Variants in CSMD2 observed in about 807,000 individuals in gnomAD.
The protein encoded by CSMD2 is CUB and sushi domain-containing protein 2.
A neutral mutation model predicts 398.5 loss-of-function variants in CSMD2; 130 were observed. The ratio of observed to expected loss-of-function variants is 0.33; its 90% CI spans 0.28 to 0.38. CSMD2 has a LOEUF of 0.38. Ranked by LOEUF, CSMD2 falls within the 10% of genes least tolerant of loss-of-function variation. The pLI, the probability that CSMD2 is intolerant of heterozygous loss-of-function variation, is 1.00. For synonymous variants in CSMD2, 1,828 were observed against 1,908.5 expected (o/e 0.96, Z 1.10); for missense variants, 3,829 against 4,764.9 (o/e 0.80, Z 5.78).
At chr1:33,545,953 G>C (rs1032673751) in intron 57 of CSMD2, 84 bp downstream of exon 57, 17 of 1,349,572 alleles carry the variant, frequency 1.3e-5, no homozygotes, top group Non-Finnish European at 1.7e-5. Flanking sequence ...TTCTGTGAGC[G>C]CAGGTGCCTG....
In CSMD2 at chr1:33,695,035, C is replaced by T. The variant is rs546561405; in HGVS notation, c.3926-1979G>A. Among the ~76,000 whole-genome samples, 54 of 152,200 alleles carry T rather than the reference C, an allele frequency of 3.5e-4. 1 individual carries two copies. In the South Asian group the frequency reaches 0.01, roughly 29 times the overall value. On this transcript the variant is annotated intron_variant, in intron 24 of 70. Coordinates refer to ENST00000373381, the MANE Select transcript of CSMD2 (RefSeq NM_001281956.2). ...ACCAATCTCCCTGAGCAAAGGACAG[C>T]GAGGGTCAGGGAGGGTGCTGGTCTT...
intron 13 of CSMD2, 141 bp downstream of exon 13, chr1:33,772,428 G>A (rs879237650): frequency 4.6e-5 from 31 of 677,450 alleles, no homozygotes; most frequent in South Asian, 3.5e-4. Flanking sequence ...GCAACGTTCC[G>A]AGGAGTAGAA....
In CSMD2 at chr1:33,514,770, C is replaced by G. The variant is rs144378343; in HGVS notation, c.*1854G>C. 6.6e-6 allele frequency: 1 copy of G among 152,258 alleles called. No individual in the cohort carries two copies. The highest frequency in any genetic ancestry group is 1.5e-5 in the Non-Finnish European group (1 of 68,106). The allele number at this position is 152,258 out of a possible 1,614,324, so 9.4% of individuals were successfully genotyped here. A position where few individuals can be genotyped will look rare whatever the true frequency, so the allele number is the denominator to read the frequency against. ...TGGATTGGCCCTCTCCCTCCAGGCCCAGGGGGGTGCCGTGTCCCAGAGGTG... is the reference window on the plus strand; with the variant it reads ...TGGATTGGCCCTCTCCCTCCAGGCCGAGGGGGGTGCCGTGTCCCAGAGGTG... On this transcript the variant is annotated 3_prime_UTR_variant, in exon 71 of 71. Transcript: ENST00000373381.
chr1:33,959,304 A>T (rs1441755961), intron 3 of CSMD2, among the ~76,000 whole-genome samples: 9 of 152,216 alleles, frequency 5.9e-5, no homozygotes, highest in African/African-American at 2.2e-4. Context: ...AAAGGCAGGG[A>T]TCGTGTATGC....
chr1:33,819,716 G>A lies in CSMD2; in HGVS notation c.1321C>T (p.Arg441Ter), dbSNP rs1657888033. 4.3e-6 allele frequency: 7 copies of A among 1,612,928 alleles called. No homozygotes were observed. Among genetic ancestry groups the A allele is most frequent in the African/African-American group, 2.7e-5 (2 of 74,862 alleles). Residue 441 changes from arginine to a stop codon, truncating the protein, a stop_gained, in exon 9 of 71, where the codon CGA becomes TGA. Coordinates refer to ENST00000373381, the MANE Select transcript of CSMD2 (RefSeq NM_001281956.2). LOFTEE classifies it high-confidence loss of function. ...AAWSDHRPVC[R>*]ARMCDAHLRG... is the part of the protein sequence containing the mutation. ...CCCTTCCCCAGGGCACCCTCACCTC[G>A]GCAGACTGGCCTGTGGTCGCTCCAG...
intron 70 of CSMD2, among the ~76,000 whole-genome samples, chr1:33,517,513 C>T (rs1423069810): frequency 6.6e-6 from 1 of 152,244 alleles, no homozygotes; most frequent in Non-Finnish European, 1.5e-5. Context: ...CTGATCATCT[C>T]CAAGCCCCGA....
chr1:33,739,135 C>T lies in CSMD2; in HGVS notation c.2368+5G>A, dbSNP rs1377623477. ...GGCCACTGCTCCCAGCCTGCAGGCTCGTACCTTCACACCGCAGCACAGCGC... is the reference window on the plus strand; with the variant it reads ...GGCCACTGCTCCCAGCCTGCAGGCTTGTACCTTCACACCGCAGCACAGCGC... On this transcript the variant is annotated splice_donor_5th_base_variant and intron_variant, in intron 15 of 70. Coordinates refer to ENST00000373381, the MANE Select transcript of CSMD2 (RefSeq NM_001281956.2). 2.0e-5 allele frequency: 32 copies of T among 1,609,784 alleles called. No individual in the cohort carries two copies. The highest frequency in any genetic ancestry group is 2.6e-5 in the Non-Finnish European group (31 of 1,178,482).
chr1:33,816,724 A>T (rs538571400), intron 9 of CSMD2, among the ~76,000 whole-genome samples: 1 of 152,270 alleles, frequency 6.6e-6, no homozygotes, highest in South Asian at 2.1e-4. Flanking sequence ...GATGGGAGGG[A>T]AAGAAAAGAA....
intron 1 of CSMD2, among the ~76,000 whole-genome samples, chr1:34,152,088 C>G (rs1488772250): frequency 1.3e-5 from 2 of 152,170 alleles, no homozygotes; most frequent in East Asian, 3.9e-4. Flanking sequence ...TGGCCTCAAG[C>G]AATCCTCCCA....
chr1:33,568,204 T>TTTTTTTG (rs1659246187), intron 52 of CSMD2, among the ~76,000 whole-genome samples: 1 of 151,508 alleles, frequency 6.6e-6, no homozygotes, highest in Non-Finnish European at 1.5e-5. Flanking sequence ...TTTTTTTTTT[T>TTTTTTTG]TGAGACAAGA....
intron 13 of CSMD2, chr1:33,772,318 CAAG>C (rs1651388038): frequency 5.2e-6 from 2 of 384,930 alleles, no homozygotes; most frequent in Admixed American, 4.2e-5. Context: ...TAAGGATCAC[CAAG>C]AAGGGTAAGA....
At chr1:33,550,042 T>C in intron 56 of CSMD2, 135 bp downstream of exon 56, 1 of 833,202 alleles carries the variant, frequency 1.2e-6, no homozygotes, top group Non-Finnish European at 1.9e-6. Flanking sequence ...GCTTTCTACC[T>C]GTTAGGGTAG....
intron 21 of CSMD2, among the ~76,000 whole-genome samples, chr1:33,712,473 T>G (rs1177657826): frequency 6.6e-6 from 1 of 152,198 alleles, no homozygotes; most frequent in Admixed American, 6.5e-5. Flanking sequence ...CTGAGATGCC[T>G]CCAGCCTGAG....
At chr1:34,073,722 G>A (rs2148306088) in intron 2 of CSMD2, among the ~76,000 whole-genome samples, 1 of 152,312 alleles carries the variant, frequency 6.6e-6, no homozygotes, top group Non-Finnish European at 1.5e-5. Flanking sequence ...GTATAGTGGG[G>A]GAAAGCCTTG....
At chr1:33,802,253 C>A (rs1311199780) in intron 10 of CSMD2, among the ~76,000 whole-genome samples, 2 of 152,160 alleles carry the variant, frequency 1.3e-5, no homozygotes, top group African/African-American at 4.8e-5. Context: ...GCCTTCTTTC[C>A]TCTGTTCCTT....
At chr1:34,038,031 T>G (rs1014396947) in intron 2 of CSMD2, among the ~76,000 whole-genome samples, 1 of 152,176 alleles carries the variant, frequency 6.6e-6, no homozygotes, top group Admixed American at 6.5e-5. Flanking sequence ...CAGGGAGGAT[T>G]CCTCAAAGGC....
intron 16 of CSMD2, 32 bp downstream of exon 16, chr1:33,726,515 G>T (rs116944314): frequency 0.014 from 21,561 of 1,585,810 alleles, 595 homozygotes; most frequent in Admixed American, 0.084. Context: ...TCTCCCCCTT[G>T]CCCTCTCCCC....
intron 5 of CSMD2, among the ~76,000 whole-genome samples, chr1:33,857,704 A>T (rs530678544): frequency 6.6e-6 from 1 of 152,274 alleles, no homozygotes; most frequent in African/African-American, 2.4e-5. Context: ...TAGCTGGGGA[A>T]TGTACCCATT....
intron 3 of CSMD2, among the ~76,000 whole-genome samples, chr1:33,977,581 C>T (rs1017706998): frequency 3.3e-5 from 5 of 152,114 alleles, no homozygotes; most frequent in Middle Eastern, 6.8e-3. Flanking sequence ...CAGGACACCC[C>T]ATGACCAATC....
Sources: gnomAD v4.1 joint callset for allele counts (sites outside exome capture counted in the v4.1 genomes callset) on GRCh38, gnomAD v4.1.1 for gene constraint, MANE v1.5 for transcripts, NCBI Gene and HGNC (gene_info 2026-07-23, HGNC 2026-07-21) for gene names.